The following SLC6A5 variants were observed in gnomAD, a reference collection of about 807,000 sequenced individuals.
The protein encoded by SLC6A5 is solute carrier family 6 member 5.
In SLC6A5, 58 loss-of-function variants were observed where a neutral mutation model predicts 90.5. The ratio of observed to expected loss-of-function variants is 0.64; its 90% CI spans 0.52 to 0.80. The LOEUF is 0.80. SLC6A5 is among the 30% of genes least tolerant of loss of function. The pLI is 0.00. For missense variants in SLC6A5, 1,015 were observed against 1,017.6 expected (o/e 1.00, Z 0.03); for synonymous variants, 427 against 401.4 (o/e 1.06, Z -0.76).
At chr11:20,608,950 CTCTCTCTCTG>C (rs1159666537) in intron 5 of SLC6A5, among the ~76,000 whole-genome samples, 100 of 81,134 alleles carry the variant, frequency 1.2e-3, no homozygotes, top group African/African-American at 9.2e-4. Flanking sequence ...CTCTCTCTCT[CTCTCTCTCTG>C]TGTGTGTGTG....
chr11:20,658,000 A>T lies in SLC6A5; in HGVS notation c.*3132A>T, dbSNP rs1161203632. 1.3e-5 allele frequency: 2 copies of T among 152,198 alleles called. No homozygotes were observed. Among genetic ancestry groups the T allele is most frequent in the Non-Finnish European group, 2.9e-5 (2 of 68,034 alleles). 9.4% of individuals were successfully genotyped at this position (152,198 alleles called of 1,614,324 possible). On this transcript the variant is annotated 3_prime_UTR_variant, in exon 16 of 16. Transcript: ENST00000525748. Reference sequence around the variant, plus strand: ...ATCATGATGACCTCAATGTCTTTGAAATTTGCAATGTGTTTTTAATATGTA... The same window carrying T: ...ATCATGATGACCTCAATGTCTTTGATATTTGCAATGTGTTTTTAATATGTA...
rs374487200 is a variant in SLC6A5, at chr11:20,601,396, T to C, written c.271T>C (p.Ser91Pro). ...CAGTAGCCCGCGGGCGCAGGCGGCCTCTGCAGCTCTGCGGGACTTGAGAGA... is the reference window on the plus strand; with the variant it reads ...CAGTAGCCCGCGGGCGCAGGCGGCCCCTGCAGCTCTGCGGGACTTGAGAGA... ...KLSSPRAQAA[S>P]AALRDLREAQ... Residue 91 changes from serine (S) to proline (P), a missense_variant, in exon 2 of 16, where the codon TCT becomes CCT. Ser to Pro is a moderately conservative substitution (Grantham distance 74, BLOSUM62 -1). Transcript: ENST00000525748. 19 of 1,604,178 alleles carry C rather than the reference T, an allele frequency of 1.2e-5. No homozygotes were observed. Among genetic ancestry groups the C allele is most frequent in the Non-Finnish European group, 1.6e-5 (19 of 1,176,246 alleles).
chr11:20,637,250 A>C lies in SLC6A5; in HGVS notation c.1816A>C (p.Thr606Pro), dbSNP rs762031455. The change falls in exon 12 of 16, where the codon ACT (threonine) becomes CCT (proline). Residue 606 changes from threonine (T) to proline (P), a missense_variant. By Grantham distance (38) the Thr-to-Pro change is conservative. This residue lies in a region of SLC6A5 where 442 missense variants were observed against 494.3 expected (regional missense o/e 0.89). Transcript: ENST00000525748. ...KYLRTHKPVF[T>P]LGCCICFFIM... is the part of the protein sequence containing the mutation. ...CCTACGCACACACAAGCCAGTGTTT[A>C]CTCTGGGCTGCTGCATTTGTTTCTT... is the stretch of plus-strand genomic sequence containing the variant. 1 of 1,612,866 alleles carries C rather than the reference A, an allele frequency of 6.2e-7. No individual in the cohort carries two copies. The highest frequency in any genetic ancestry group is 1.1e-5 in the South Asian group (1 of 91,038).
chr11:20,614,564 A>C lies in SLC6A5; in HGVS notation c.986-115A>C, dbSNP rs529387351. 22 of 938,158 alleles carry C rather than the reference A, an allele frequency of 2.3e-5. No homozygotes were observed. The African/African-American group carries it at 3.6e-4, about 15-fold the overall frequency. The allele number at this position is 938,158 out of a possible 1,614,324, so 58.1% of individuals were successfully genotyped here. ...GCCCAGTTAATCCTTTCCTGAAGGT[A>C]CTCTCCAATATTTGCAAATGTTTTT... On this transcript the variant is annotated intron_variant, in intron 5 of 15. Transcript: ENST00000525748.
Position 20,655,124 on chromosome 11 carries a change from G to C in SLC6A5, c.*256G>C. On this transcript the variant is annotated 3_prime_UTR_variant, in exon 16 of 16. Coordinates refer to ENST00000525748, the MANE Select transcript of SLC6A5 (RefSeq NM_004211.5). ...GGTCAGGTTGGTCCCCTGACCACAC[G>C]TTTTACCCTGCAGAGGAGGATCAGT... The C allele has an allele frequency of 2.0e-6, 1 of 492,170 alleles. No homozygotes were observed. The highest frequency in any genetic ancestry group is 1.9e-5 in the African/African-American group (1 of 51,602). 30.5% of individuals were successfully genotyped at this position (492,170 alleles called of 1,614,324 possible). A position where few individuals can be genotyped will look rare whatever the true frequency, so the allele number is the denominator to read the frequency against.
At chr11:20,635,201 G>GT in intron 10 of SLC6A5, among the ~76,000 whole-genome samples, 1 of 152,222 alleles carries the variant, frequency 6.6e-6, no homozygotes, top group Admixed American at 6.5e-5. Flanking sequence ...TTTTACCTGC[G>GT]TTTTCTCATT....
At chr11:20,641,178 T>A (rs1853306103) in intron 13 of SLC6A5, among the ~76,000 whole-genome samples, 1 of 152,144 alleles carries the variant, frequency 6.6e-6, no homozygotes, top group Non-Finnish European at 1.5e-5. Context: ...TGTTTTGCAT[T>A]TTTTCTGGAG....
chr11:20,628,130 A>G, intron 9 of SLC6A5, 47 bp downstream of exon 9: 2 of 1,408,392 alleles, frequency 1.4e-6, no homozygotes, highest in Non-Finnish European at 1.0e-6. Flanking sequence ...TGAGTGGGAC[A>G]GAAGAATGGA....
intron 11 of SLC6A5, 68 bp from the exon 12 acceptor site, chr11:20,637,104 A>G (rs1853222510): frequency 1.3e-6 from 2 of 1,535,452 alleles, no homozygotes; most frequent in Non-Finnish European, 1.8e-6. Flanking sequence ...GGGACATACA[A>G]AGGGCTTGGG....
intron 15 of SLC6A5, among the ~76,000 whole-genome samples, chr11:20,654,370 T>G (rs1853600883): frequency 6.6e-6 from 1 of 152,058 alleles, no homozygotes; most frequent in Non-Finnish European, 1.5e-5. Context: ...GAGAGAAGCT[T>G]GTGGATTCTC....
At chr11:20,614,148 G>A (rs114395537) in intron 5 of SLC6A5, among the ~76,000 whole-genome samples, 1 of 152,218 alleles carries the variant, frequency 6.6e-6, no homozygotes, top group African/African-American at 2.4e-5. Context: ...TGGGTCCAAG[G>A]TGAACTTCTT....
chr11:20,654,965 C>T lies in SLC6A5; in HGVS notation c.*97C>T. Reference sequence around the variant, plus strand: ...TCTCCTCCCATTTTTCTTCATCTTTCTTCCTACATCTTGGTTCACATCCAC... The same window carrying T: ...TCTCCTCCCATTTTTCTTCATCTTTTTTCCTACATCTTGGTTCACATCCAC... On this transcript the variant is annotated 3_prime_UTR_variant, in exon 16 of 16. Coordinates refer to ENST00000525748, the MANE Select transcript of SLC6A5 (RefSeq NM_004211.5). The T allele has an allele frequency of 1.6e-6, 2 of 1,261,688 alleles. No homozygotes were observed. Among genetic ancestry groups the T allele is most frequent in the East Asian group, 4.6e-5 (2 of 43,358 alleles). 78.2% of individuals were successfully genotyped at this position (1,261,688 alleles called of 1,614,324 possible). A position where few individuals can be genotyped will look rare whatever the true frequency, so the allele number is the denominator to read the frequency against.
chr11:20,640,018 G>C (rs943805444), intron 13 of SLC6A5, among the ~76,000 whole-genome samples: 3 of 152,192 alleles, frequency 2.0e-5, no homozygotes, highest in African/African-American at 7.2e-5. Flanking sequence ...CTTGAGCAGA[G>C]AGTGGTAGAA....
chr11:20,601,741 G>T lies in SLC6A5; in HGVS notation c.540+76G>T, dbSNP rs555578468. ...GAGAGAGGCCAGCCGGGCCGTGGCG[G>T]GTGCACGTATGCTGATGGGGAAACC... On this transcript the variant is annotated intron_variant, in intron 2 of 15. Transcript: ENST00000525748. 1,447 of 1,494,192 alleles carry T rather than the reference G, an allele frequency of 9.7e-4. 5 individuals carry two copies. Among genetic ancestry groups the T allele is most frequent in the Non-Finnish European group, 9.4e-4 (1,033 of 1,094,268 alleles). The allele number at this position is 1,494,192 out of a possible 1,614,324, so 92.6% of individuals were successfully genotyped here.
intron 11 of SLC6A5, among the ~76,000 whole-genome samples, 165 bp from the exon 12 acceptor site, chr11:20,637,007 G>A (rs1412762374): frequency 6.6e-6 from 1 of 152,104 alleles, no homozygotes; most frequent in Non-Finnish European, 1.5e-5. Flanking sequence ...GGCTGCCTGT[G>A]GGTTGGACCC....
rs146647574 is a variant in SLC6A5 at position 20,626,841 on chromosome 11, C to T, written c.1394C>T (p.Thr465Met). 4.0e-5 allele frequency: 65 copies of T among 1,613,636 alleles called. No homozygotes were observed. Among genetic ancestry groups the T allele is most frequent in the African/African-American group, 2.8e-4 (21 of 75,030 alleles). ...AAGTGGGAGAAACTCACGGATGCCA[C>T]GGTGGGCTTCTAATTTTATCTATAA... is the stretch of plus-strand genomic sequence containing the variant. ...TPKWEKLTDATVWKDAATQIF... is the reference protein window; with the variant it reads ...TPKWEKLTDAMVWKDAATQIF... The change falls in exon 8 of 16, where the codon ACG becomes ATG. Residue 465 changes from threonine to methionine, a missense_variant and splice_region_variant. Thr to Met is a moderately conservative substitution (Grantham distance 81). Coordinates refer to ENST00000525748, the MANE Select transcript of SLC6A5 (RefSeq NM_004211.5).
chr11:20,651,614 A>C (rs1853533823), intron 14 of SLC6A5, among the ~76,000 whole-genome samples: 1 of 151,026 alleles, frequency 6.6e-6, no homozygotes, highest in African/African-American at 2.4e-5. Context: ...ATTACCCCTT[A>C]CAGAAAATAC....
At position 20,626,842 on chromosome 11, in the gene SLC6A5, G is replaced by T. The variant is rs773583338; in HGVS notation, c.1395G>T (p.Thr465=). The T allele has an allele frequency of 4.3e-6, 7 of 1,613,708 alleles. No homozygotes were observed. The highest frequency in any genetic ancestry group is 2.2e-5 in the East Asian group (1 of 44,870). The change falls in exon 8 of 16, where the codon ACG becomes ACT. Residue 465 remains threonine, a splice_region_variant and synonymous_variant. Coordinates refer to ENST00000525748, the MANE Select transcript of SLC6A5 (RefSeq NM_004211.5). Reference sequence around the variant, plus strand: ...AGTGGGAGAAACTCACGGATGCCACGGTGGGCTTCTAATTTTATCTATAAC... The same window carrying T: ...AGTGGGAGAAACTCACGGATGCCACTGTGGGCTTCTAATTTTATCTATAAC... ...TPKWEKLTDA[T]VWKDAATQIF... is the part of the protein sequence containing the mutation.
intron 14 of SLC6A5, among the ~76,000 whole-genome samples, chr11:20,648,664 C>T (rs1282707645): frequency 6.6e-6 from 1 of 152,178 alleles, no homozygotes; most frequent in Non-Finnish European, 1.5e-5. Flanking sequence ...GCCCTCTTCC[C>T]CGGATCCTAA....
Sources: allele counts gnomAD v4.1 joint callset (sites outside exome capture counted in the v4.1 genomes callset), GRCh38; gene constraint gnomAD v4.1.1; regional missense constraint gnomAD v4.1.1; transcripts MANE v1.5; gene names NCBI Gene and HGNC (gene_info 2026-07-23, HGNC 2026-07-21).